Variants in PTPRN observed in about 807,000 individuals in gnomAD.
The protein encoded by PTPRN is receptor-type tyrosine-protein phosphatase-like N.
PTPRN carries 70 observed loss-of-function variants against 108.5 expected under a neutral mutation model. That is an observed-to-expected ratio of 0.65 (90% confidence interval 0.53 to 0.79). The LOEUF (loss-of-function observed/expected upper bound fraction) is 0.79. Among genes scored for constraint, PTPRN ranks in the 30% least tolerant of loss-of-function variants. The pLI, the probability that PTPRN is intolerant of heterozygous loss-of-function variation, is 0.00. For synonymous variants in PTPRN, 496 were observed against 524.6 expected (o/e 0.95, Z 0.75); for missense variants, 1,136 against 1,295.5 (o/e 0.88, Z 1.89).
chr2:219,291,360 G>T, intron 20 of PTPRN, 110 bp downstream of exon 20: 1 of 1,222,782 alleles, frequency 8.2e-7, no homozygotes, highest in South Asian at 1.2e-5. Flanking sequence ...TGGTGTGCTG[G>T]ATTTGGACTA....
At position 219,297,811 on chromosome 2, in the gene PTPRN, C is replaced by G. The variant is rs1952238250; in HGVS notation, c.1887+74G>C. On this transcript the variant is annotated intron_variant, in intron 13 of 22. Transcript: ENST00000295718. The surrounding 1 kb of genome is among the most constrained non-coding windows in gnomAD (Gnocchi z 6.0). ...GCTCACTCCCCATTCAGTTCCGACC[C>G]TTAGTCCACGCAAGACCCAGACTCC... 2.0e-6 allele frequency: 3 copies of G among 1,487,888 alleles called. No homozygotes were observed. The highest frequency in any genetic ancestry group is 4.9e-5 in the East Asian group (2 of 40,628). 92.2% of individuals were successfully genotyped at this position (1,487,888 alleles called of 1,614,324 possible).
rs1231190179 is a variant in PTPRN, at chr2:219,295,047, G to A, written c.2603C>T (p.Thr868Met). 2.0e-5 allele frequency: 32 copies of A among 1,613,232 alleles called. No individual in the cohort carries two copies. In the East Asian group the frequency reaches 6.9e-4, roughly 35 times the overall value. The change falls in exon 19 of 23, where the codon ACG (threonine) becomes ATG (methionine). Residue 868 changes from threonine to methionine, a missense_variant. Transcript: ENST00000295718. The stretch of plus-strand genomic sequence containing the variant: ...CGGCCAGCTGAGGAAGTGGAACTGC[G>A]TGAGCGTGCGCGTCTCCTGGGTCTG... ...NVQTQETRTL[T>M]QFHFLSWPAE...
At chr2:219,295,467 AT>A (rs1479862949) in intron 18 of PTPRN, 2 of 233,062 alleles carry the variant, frequency 8.6e-6, no homozygotes, top group Non-Finnish European at 8.3e-6. Context: ...TTCTTACTGG[AT>A]TTTTTTCGTT....
chr2:219,300,373 A>G (rs1952315027), intron 8 of PTPRN, 114 bp from the exon 9 acceptor site: 3 of 1,156,402 alleles, frequency 2.6e-6, no homozygotes, highest in Non-Finnish European at 3.6e-6. Flanking sequence ...TTCTACCCCC[A>G]GGGACCACTG....
intron 8 of PTPRN, 60 bp downstream of exon 8, chr2:219,300,883 T>A: frequency 6.3e-7 from 1 of 1,575,890 alleles, no homozygotes. Context: ...AAATTTAGGT[T>A]TGGCAAGGGG....
At chr2:219,298,888 G>C (rs1350441911) in intron 12 of PTPRN, 159 bp downstream of exon 12, 1 of 793,576 alleles carries the variant, frequency 1.3e-6, no homozygotes, top group East Asian at 2.4e-5. Context: ...TGGTGAGAAA[G>C]AGAACTGCGG....
intron 2 of PTPRN, 107 bp from the exon 3 acceptor site, chr2:219,307,664 C>T: frequency 1.4e-6 from 2 of 1,456,550 alleles, no homozygotes; most frequent in South Asian, 1.2e-5. Flanking sequence ...ACCTCTCCTC[C>T]TCCAGGCAAG....
At chr2:219,307,586 G>A in intron 2 of PTPRN, 29 bp from the exon 3 acceptor site, 1 of 1,599,304 alleles carries the variant, frequency 6.3e-7, no homozygotes, top group South Asian at 1.1e-5. Flanking sequence ...TGTCAGCAGG[G>A]GGCTTGAATA....
intron 8 of PTPRN, 65 bp from the exon 9 acceptor site, chr2:219,300,324 G>A (rs1442933479): frequency 2.9e-5 from 43 of 1,479,708 alleles, no homozygotes; most frequent in Non-Finnish European, 3.8e-5. Flanking sequence ...CCCTGGACTC[G>A]GAGCTCTCCA....
At chr2:219,306,199 T>C (rs1191161495) in intron 3 of PTPRN, among the ~76,000 whole-genome samples, 3 of 152,104 alleles carry the variant, frequency 2.0e-5, no homozygotes, top group African/African-American at 7.2e-5. Context: ...AAAAAAACTT[T>C]GACTCCTCTC....
chr2:219,301,256 C>T (rs948156822), intron 7 of PTPRN, among the ~76,000 whole-genome samples: 4 of 152,240 alleles, frequency 2.6e-5, no homozygotes, highest in African/African-American at 9.6e-5. Flanking sequence ...CCATCAATTA[C>T]TGGCTTCTTC....
intron 3 of PTPRN, among the ~76,000 whole-genome samples, chr2:219,305,920 C>T (rs1952473398): frequency 6.6e-6 from 1 of 152,180 alleles, no homozygotes; most frequent in Non-Finnish European, 1.5e-5. Flanking sequence ...GAGGCCCAGG[C>T]AGATGGATCA....
intron 4 of PTPRN, 69 bp downstream of exon 4, chr2:219,303,666 C>G (rs1952413036): frequency 1.4e-6 from 2 of 1,456,064 alleles, no homozygotes; most frequent in South Asian, 1.2e-5. Flanking sequence ...CCCCTTCTCT[C>G]CATCAATTAG....
At chr2:219,302,031 G>T (rs1026653394) in intron 6 of PTPRN, 106 bp downstream of exon 6, 3 of 1,065,256 alleles carry the variant, frequency 2.8e-6, no homozygotes, top group South Asian at 3.2e-5. Context: ...ATGTATGAAT[G>T]ACTTTAAGGA....
rs767518853 is a variant in PTPRN at position 219,299,031 on chromosome 2, T to C, written c.1668+16A>G. On this transcript the variant is annotated intron_variant, in intron 12 of 22. Transcript: ENST00000295718. Reference sequence around the variant, plus strand: ...GCCCTCTGGGGACTTGGACTGATTCTCCAGTTAGCGCATACCTGTCCCACT... The same window carrying C: ...GCCCTCTGGGGACTTGGACTGATTCCCCAGTTAGCGCATACCTGTCCCACT... The C allele has an allele frequency of 1.9e-6, 3 of 1,614,186 alleles. No homozygotes were observed. The highest frequency in any genetic ancestry group is 2.5e-6 in the Non-Finnish European group (3 of 1,179,968).
chr2:219,300,585 A>G (rs1952321966), intron 8 of PTPRN, among the ~76,000 whole-genome samples: 1 of 152,230 alleles, frequency 6.6e-6, no homozygotes, highest in Non-Finnish European at 1.5e-5. Flanking sequence ...TTGTTTAGCC[A>G]CAAAGTCTTA....
chr2:219,295,112 G>C lies in PTPRN; in HGVS notation c.2538C>G (p.Cys846Trp). 1.2e-6 allele frequency: 2 copies of C among 1,612,654 alleles called. No homozygotes were observed. The highest frequency in any genetic ancestry group is 1.7e-6 in the Non-Finnish European group (2 of 1,179,278). Residue 846 changes from cysteine to tryptophan, a missense_variant, in exon 19 of 23, where the codon TGC becomes TGG. Coordinates refer to ENST00000295718, the MANE Select transcript of PTPRN (RefSeq NM_002846.4). The part of the protein sequence containing the change: ...EVNLVSEHIW[C>W]EDFLVRSFYL... ...AGAAGCTCCGCACCAGAAAGTCCTC[G>C]CACCAGATGTGCTCCGACACCAGGT... is the stretch of plus-strand genomic sequence containing the variant.
intron 4 of PTPRN, among the ~76,000 whole-genome samples, chr2:219,303,159 A>G (rs1281423852): frequency 6.6e-6 from 1 of 152,160 alleles, no homozygotes; most frequent in African/African-American, 2.4e-5. Flanking sequence ...ATTTCTCTAG[A>G]TGAACTGTGG....
At chr2:219,294,646 C>T in intron 19 of PTPRN, among the ~76,000 whole-genome samples, 1 of 150,336 alleles carries the variant, frequency 6.7e-6, no homozygotes, top group Non-Finnish European at 1.5e-5. Context: ...AGCAGGGGTC[C>T]TGGAGAGGGA....
Sources: gnomAD v4.1 joint callset for allele counts (sites outside exome capture counted in the v4.1 genomes callset) on GRCh38, gnomAD v4.1.1 for gene constraint, Gnocchi (gnomAD v3.1) non-coding constraint, MANE v1.5 for transcripts, NCBI Gene and HGNC (gene_info 2026-07-23, HGNC 2026-07-21) for gene names.